Variants in EXT1 observed in about 807,000 individuals in gnomAD.
EXT1 encodes the protein exostosin glycosyltransferase 1, also known as exostosin-1.
A neutral mutation model predicts 82.5 loss-of-function variants in EXT1; 20 were observed. The ratio of observed to expected loss-of-function variants is 0.24; its 90% CI spans 0.17 to 0.35. EXT1 has a LOEUF of 0.35. Among genes scored for constraint, EXT1 ranks in the 10% least tolerant of loss-of-function variants. The probability of loss-of-function intolerance (pLI) is 1.00; values close to 1 mark genes in which losing one functional copy is unlikely to be tolerated. For missense variants in EXT1, 757 were observed against 936.5 expected, an observed-to-expected ratio of 0.81 and a Z score of 2.50; for synonymous variants, 348 against 350.8, an observed-to-expected ratio of 0.99 and a Z score of 0.09.
intron 1 of EXT1, among the ~76,000 whole-genome samples, chr8:117,906,593 A>C (rs1368907136): frequency 6.6e-6 from 1 of 152,212 alleles, no homozygotes; most frequent in Non-Finnish European, 1.5e-5. Context: ...CTGTCTTAAC[A>C]CATGCAATGT....
rs545929218 is a variant in EXT1, at chr8:117,824,855, T to TTTTTTGTTTTTG, written c.1285-2270_1285-2259dup. ...TGATTATTCTTCTTCTTCTTTTTCT[T>TTTTTTGTTTTTG]TTTTTGTTTTTGTTTTTGTTTTTGT... On this transcript the variant is annotated intron_variant, in intron 4 of 10. Coordinates refer to ENST00000378204, the MANE Select transcript of EXT1 (RefSeq NM_000127.3). Among the ~76,000 whole-genome samples, 3 of 151,938 alleles carry TTTTTTGTTTTTG rather than the reference T, an allele frequency of 2.0e-5. No individual in the cohort carries two copies. The East Asian group carries it at 5.8e-4, about 29-fold the overall frequency.
At chr8:117,918,529 G>A (rs150247733) in intron 1 of EXT1, among the ~76,000 whole-genome samples, 6 of 152,320 alleles carry the variant, frequency 3.9e-5, no homozygotes, top group Non-Finnish European at 8.8e-5. Flanking sequence ...CTGGCTTTGT[G>A]TTTTGCTCTG....
At chr8:118,005,225 C>A (rs527348822) in intron 1 of EXT1, among the ~76,000 whole-genome samples, 1 of 152,248 alleles carries the variant, frequency 6.6e-6, no homozygotes, top group South Asian at 2.1e-4. Flanking sequence ...GACAGATATC[C>A]CAGACTTGCT....
intron 1 of EXT1, among the ~76,000 whole-genome samples, chr8:118,055,155 C>T (rs2129931204): frequency 6.6e-6 from 1 of 152,300 alleles, no homozygotes; most frequent in African/African-American, 2.4e-5. Context: ...TCCACTCCAA[C>T]CATTGTACTG....
chr8:118,109,735 A>AGAAACACCCTCC (rs1817859460), intron 1 of EXT1, among the ~76,000 whole-genome samples: 1 of 152,196 alleles, frequency 6.6e-6, no homozygotes, highest in Non-Finnish European at 1.5e-5. Context: ...AGATACCCTC[A>AGAAACACCCTCC]GAAACACCCT....
At chr8:117,887,551 CAT>C (rs981624313) in intron 1 of EXT1, among the ~76,000 whole-genome samples, 1 of 151,976 alleles carries the variant, frequency 6.6e-6, no homozygotes, top group African/African-American at 2.4e-5. Context: ...AGGGTTTCAC[CAT>C]GTTGGCCAGG....
At chr8:118,041,961 A>G (rs906601851) in intron 1 of EXT1, among the ~76,000 whole-genome samples, 35 of 151,984 alleles carry the variant, frequency 2.3e-4, no homozygotes, top group African/African-American at 4.1e-4. Context: ...AAAAAAAAAA[A>G]AAAGAAAGAA....
In EXT1 at chr8:117,997,880, C is replaced by A. The variant is rs538041199; in HGVS notation, c.962+112205G>T. 8.1e-4 allele frequency among the ~76,000 whole-genome samples: 123 copies of A among 152,226 alleles called. 3 individuals are homozygous for A. Among genetic ancestry groups the A allele is most frequent in the Admixed American group, 5.6e-3 (85 of 15,272 alleles). On this transcript the variant is annotated intron_variant, in intron 1 of 10. Transcript: ENST00000378204. Reference sequence around the variant, plus strand: ...AGATGCCTCATCCCCAGTGAATCACCCTGACTGAGCAGCCTTTCCTTCCCT... The same window carrying A: ...AGATGCCTCATCCCCAGTGAATCACACTGACTGAGCAGCCTTTCCTTCCCT...
intron 1 of EXT1, among the ~76,000 whole-genome samples, chr8:118,006,172 A>G (rs1815770893): frequency 1.3e-5 from 2 of 152,186 alleles, no homozygotes; most frequent in Non-Finnish European, 2.9e-5. Context: ...ATGGTCCCAG[A>G]CCAGTCAGTG....
At chr8:118,064,999 C>G (rs570581723) in intron 1 of EXT1, among the ~76,000 whole-genome samples, 1 of 151,980 alleles carries the variant, frequency 6.6e-6, no homozygotes, top group East Asian at 1.9e-4. Context: ...ATTACAGGTG[C>G]CCGCCACCAC....
intron 3 of EXT1, among the ~76,000 whole-genome samples, chr8:117,833,470 C>T (rs1369253862): frequency 6.6e-6 from 1 of 152,064 alleles, no homozygotes; most frequent in East Asian, 1.9e-4. Context: ...CAAAAATTAG[C>T]TGAGTGTGGT....
chr8:117,944,184 T>G (rs544140945), intron 1 of EXT1, among the ~76,000 whole-genome samples: 1 of 152,228 alleles, frequency 6.6e-6, no homozygotes, highest in African/African-American at 2.4e-5. Flanking sequence ...GGCAGATCAC[T>G]TGAAGTCAGG....
chr8:118,009,580 C>T (rs1215414959), intron 1 of EXT1, among the ~76,000 whole-genome samples: 1 of 152,128 alleles, frequency 6.6e-6, no homozygotes, highest in East Asian at 1.9e-4. Context: ...GACCCTAGTC[C>T]GTGGCCTGTT....
At chr8:117,859,992 C>T (rs1302305316) in intron 1 of EXT1, among the ~76,000 whole-genome samples, 1 of 151,706 alleles carries the variant, frequency 6.6e-6, no homozygotes, top group African/African-American at 2.4e-5. Flanking sequence ...ACTAAAAATA[C>T]AAAAATTAGC....
chr8:117,994,608 C>A (rs1334296405), intron 1 of EXT1, among the ~76,000 whole-genome samples: 1 of 152,142 alleles, frequency 6.6e-6, no homozygotes, highest in African/African-American at 2.4e-5. Context: ...AAGATACTGT[C>A]TCCAAAAGAA....
At chr8:117,948,391 G>C (rs1814429260) in intron 1 of EXT1, among the ~76,000 whole-genome samples, 1 of 150,072 alleles carries the variant, frequency 6.7e-6, no homozygotes, top group South Asian at 2.1e-4. Flanking sequence ...TTAAGTGACA[G>C]AGAACAAGGT....
chr8:117,852,285 G>A (rs2129833651), intron 1 of EXT1, among the ~76,000 whole-genome samples: 1 of 152,252 alleles, frequency 6.6e-6, no homozygotes, highest in Non-Finnish European at 1.5e-5. Context: ...GCTCTGTCAT[G>A]AGGGACACCA....
chr8:117,828,963 T>A (rs1812052206), intron 4 of EXT1, among the ~76,000 whole-genome samples: 1 of 152,122 alleles, frequency 6.6e-6, no homozygotes. Flanking sequence ...AAAACAGCGA[T>A]GTGGACCAAG....
intron 1 of EXT1, among the ~76,000 whole-genome samples, chr8:117,976,925 C>T (rs1815076490): frequency 6.6e-6 from 1 of 151,980 alleles, no homozygotes; most frequent in Non-Finnish European, 1.5e-5. Context: ...GTTGGTATCC[C>T]AAGTTTGACC....
Sources: gnomAD v4.1 joint callset for allele counts (sites outside exome capture counted in the v4.1 genomes callset) on GRCh38, gnomAD v4.1.1 for gene constraint, MANE v1.5 for transcripts, NCBI Gene and HGNC (gene_info 2026-07-23, HGNC 2026-07-21) for gene names.